Variants in SERF1B observed in about 807,000 individuals in gnomAD.
The protein encoded by SERF1B is small EDRK-rich factor 1.
intron 2 of SERF1B, among the ~76,000 whole-genome samples, chr5:70,029,134 A>G: frequency 6.7e-6 from 1 of 149,058 alleles, no homozygotes; most frequent in East Asian, 1.9e-4. Context: ...TACTTAGGTT[A>G]TGCCTTTTTT....
At chr5:70,029,359 C>T (rs1774114139) in intron 2 of SERF1B, among the ~76,000 whole-genome samples, 1 of 151,336 alleles carries the variant, frequency 6.6e-6, no homozygotes, top group Non-Finnish European at 1.5e-5. Flanking sequence ...TGGTCTCAAA[C>T]TACTGACCTC....
chr5:70,029,383 G>A (rs1331624318), intron 2 of SERF1B, among the ~76,000 whole-genome samples: 2 of 150,772 alleles, frequency 1.3e-5, no homozygotes, highest in East Asian at 1.9e-4. Flanking sequence ...TGATCCACCC[G>A]CCTCGGCCTC....
intron 2 of SERF1B, among the ~76,000 whole-genome samples, chr5:70,029,145 T>C (rs2112440214): frequency 6.6e-6 from 1 of 151,738 alleles, no homozygotes; most frequent in African/African-American, 2.4e-5. Flanking sequence ...TGCCTTTTTT[T>C]TTTTTTTAAA....
intron 2 of SERF1B, among the ~76,000 whole-genome samples, chr5:70,038,310 C>T (rs1383775824): frequency 7.1e-6 from 1 of 140,674 alleles, no homozygotes; most frequent in Non-Finnish European, 1.5e-5. Context: ...AACCCATTTC[C>T]TGTTTAGAAA....
At chr5:70,041,210 C>G (rs1429627935) in intron 2 of SERF1B, among the ~76,000 whole-genome samples, 2 of 148,908 alleles carry the variant, frequency 1.3e-5, no homozygotes, top group African/African-American at 5.0e-5. Context: ...ATTATCAGTC[C>G]TTTTATCTTT....
chr5:70,037,821 C>G (rs879496835), intron 2 of SERF1B, among the ~76,000 whole-genome samples: 1 of 106,196 alleles, frequency 9.4e-6, no homozygotes, highest in East Asian at 2.4e-4. Flanking sequence ...ATTAGCCAAG[C>G]GTGGTGGTGG....
intron 2 of SERF1B, among the ~76,000 whole-genome samples, chr5:70,028,870 G>A (rs1336322583): frequency 6.7e-6 from 1 of 149,068 alleles, no homozygotes; most frequent in Middle Eastern, 3.5e-3. Flanking sequence ...CCAGCTACTC[G>A]GGAGGCTGAG....
At chr5:70,032,361 A>ACAAGAGAAGACAAGAAAAGCAGAAGGC in intron 2 of SERF1B, 2 of 812,564 alleles carry the variant, frequency 2.5e-6, no homozygotes, top group Non-Finnish European at 3.7e-6. Flanking sequence ...TAATGAGAAG[A>ACAAGAGAAGACAAGAAAAGCAGAAGGC]AGTCTATGCA....
rs1561408640 is a variant in SERF1B at position 70,036,664 on chromosome 5, C to CTCTCTCTCTCT, written c.117-4860_117-4859insTCTCTCTCTCT. 4.7e-5 allele frequency among the ~76,000 whole-genome samples: 7 copies of CTCTCTCTCTCT among 149,940 alleles called. No individual in the cohort carries two copies. The East Asian group carries it at 1.2e-3, about 25-fold the overall frequency. On this transcript the variant is annotated intron_variant, in intron 2 of 2. Coordinates refer to ENST00000380750, the MANE Select transcript of SERF1B (RefSeq NM_022978.3). ...TCTCTCTCTCTCTCTCTCTCTCTCTCAAAAACACTTGGTCTGTTATTTTTA... is the reference window on the plus strand; with the variant it reads ...TCTCTCTCTCTCTCTCTCTCTCTCTCTCTCTCTCTCTAAAAACACTTGGTCTGTTATTTTTA...
At chr5:70,036,673 T>C (rs1774194736) in intron 2 of SERF1B, among the ~76,000 whole-genome samples, 1 of 126,846 alleles carries the variant, frequency 7.9e-6, no homozygotes, top group East Asian at 2.4e-4. Flanking sequence ...TCAAAAACAC[T>C]TGGTCTGTTA....
intron 2 of SERF1B, 72 bp from the exon 3 acceptor site, chr5:70,041,452 A>T (rs1774257171): frequency 1.6e-6 from 1 of 632,726 alleles, no homozygotes; most frequent in African/African-American, 1.9e-5. Flanking sequence ...AATGTATTTG[A>T]TTCTGAGAGC....
intron 2 of SERF1B, among the ~76,000 whole-genome samples, chr5:70,035,398 T>TTTTTA (rs1457134560): frequency 7.4e-6 from 1 of 135,214 alleles, no homozygotes; most frequent in Non-Finnish European, 1.6e-5. Context: ...TTTTTTTTTT[T>TTTTTA]GAGACGGAGT....
At chr5:70,032,320 C>CT in intron 2 of SERF1B, 1 of 694,406 alleles carries the variant, frequency 1.4e-6, no homozygotes, top group Admixed American at 3.5e-5. Context: ...TGTAGGGACT[C>CT]TGAGATCATG....
chr5:70,036,928 G>GT (rs1774198928), intron 2 of SERF1B, among the ~76,000 whole-genome samples: 1 of 52,828 alleles, frequency 1.9e-5, no homozygotes, highest in East Asian at 4.4e-4. Flanking sequence ...CTACAGGTTT[G>GT]TTTTTTTCAC....
intron 2 of SERF1B, among the ~76,000 whole-genome samples, chr5:70,029,138 CTT>C (rs541213410): frequency 6.2e-5 from 9 of 145,768 alleles, no homozygotes; most frequent in Admixed American, 1.4e-4. Flanking sequence ...TAGGTTATGC[CTT>C]TTTTTTTTTT....
At chr5:70,036,923 GGTTT>G (rs1298480127) in intron 2 of SERF1B, among the ~76,000 whole-genome samples, 1 of 53,698 alleles carries the variant, frequency 1.9e-5, no homozygotes, top group Admixed American at 2.0e-4. Context: ...ACTTACTACA[GGTTT>G]GTTTTTTTCA....
chr5:70,038,252 C>T (rs1774226406), intron 2 of SERF1B, among the ~76,000 whole-genome samples: 1 of 149,952 alleles, frequency 6.7e-6, no homozygotes. Context: ...CTCAAGGGGG[C>T]TGTTAGGGTA....
intron 2 of SERF1B, among the ~76,000 whole-genome samples, chr5:70,038,168 A>C (rs1420841578): frequency 1.3e-5 from 2 of 150,196 alleles, no homozygotes; most frequent in South Asian, 2.1e-4. Context: ...CTTGCCTTTT[A>C]TGAACATATA....
Sources: allele counts gnomAD v4.1 joint callset (sites outside exome capture counted in the v4.1 genomes callset), GRCh38; gene constraint gnomAD v4.1.1; transcripts MANE v1.5; gene names NCBI Gene and HGNC (gene_info 2026-07-23, HGNC 2026-07-21).